Variants in CPSF6 observed in about 807,000 individuals in gnomAD.
CPSF6 encodes cleavage and polyadenylation specificity factor subunit 6.
A neutral mutation model predicts 56.7 loss-of-function variants in CPSF6; 10 were observed. The ratio of observed to expected loss-of-function variants is 0.18; its 90% CI spans 0.11 to 0.30. CPSF6 has a LOEUF of 0.30. CPSF6 is among the 10% of genes least tolerant of loss of function. CPSF6 has a pLI of 1.00. For synonymous variants in CPSF6, 248 were observed against 244.8 expected (o/e 1.01, Z -0.12); for missense variants, 419 against 722.9 (o/e 0.58, Z 4.82).
chr12:69,260,887 A>G (rs577302800), intron 8 of CPSF6, among the ~76,000 whole-genome samples: 1 of 152,202 alleles, frequency 6.6e-6, no homozygotes, highest in African/African-American at 2.4e-5. Flanking sequence ...TGTTGGGATG[A>G]TAGGCATGAG....
At chr12:69,245,288 C>G (rs189103094) in intron 1 of CPSF6, among the ~76,000 whole-genome samples, 163 of 152,170 alleles carry the variant, frequency 1.1e-3, no homozygotes, top group South Asian at 3.5e-3. Context: ...ATGCATTGGG[C>G]TAAGATCGCT....
chr12:69,251,537 T>C (rs1872244487), intron 2 of CPSF6, among the ~76,000 whole-genome samples, 199 bp downstream of exon 2: 1 of 152,166 alleles, frequency 6.6e-6, no homozygotes, highest in Non-Finnish European at 1.5e-5. Flanking sequence ...AGTTTTGTGG[T>C]CATTCAACTT....
intron 1 of CPSF6, among the ~76,000 whole-genome samples, chr12:69,240,921 G>T (rs536453321): frequency 3.3e-5 from 5 of 152,236 alleles, no homozygotes; most frequent in Non-Finnish European, 5.9e-5. Context: ...GTGCTTAACT[G>T]CAATGTTCCT....
rs372434596 is a variant in CPSF6, at chr12:69,257,724, A to G, written c.521-8A>G. ...AAGTGCTATTTATGAGTATTTGGAT[A>G]TTTGCAGCTACACAATCAGGACAAA... On this transcript the variant is annotated splice_polypyrimidine_tract_variant and splice_region_variant and intron_variant, in intron 4 of 9. Transcript: ENST00000435070. 4.8e-5 allele frequency: 77 copies of G among 1,603,100 alleles called. No individual in the cohort carries two copies. In the East Asian group the frequency reaches 5.4e-4, roughly 11 times the overall value.
intron 9 of CPSF6, among the ~76,000 whole-genome samples, chr12:69,268,287 C>T (rs1027516109): frequency 3.3e-5 from 5 of 151,628 alleles, no homozygotes; most frequent in African/African-American, 1.2e-4. Flanking sequence ...CTGAAGTTAT[C>T]TGAAAGATAC....
At chr12:69,260,425 C>A (rs1872696515) in intron 8 of CPSF6, among the ~76,000 whole-genome samples, 1 of 151,104 alleles carries the variant, frequency 6.6e-6, no homozygotes, top group African/African-American at 2.4e-5. Context: ...TGTGATAAAG[C>A]CCCTGCCTAT....
chr12:69,265,207 A>G (rs182681827), intron 9 of CPSF6, among the ~76,000 whole-genome samples: 2 of 152,324 alleles, frequency 1.3e-5, no homozygotes, highest in South Asian at 2.1e-4. Context: ...GAAAATACCA[A>G]TATTGTAAAT....
intron 1 of CPSF6, 80 bp downstream of exon 1, chr12:69,239,786 C>CGCTGCGGCCGG: frequency 7.3e-7 from 1 of 1,368,110 alleles, no homozygotes; most frequent in Non-Finnish European, 9.6e-7. Flanking sequence ...GCTGCGGCCG[C>CGCTGCGGCCGG]GAGCCGAAGC....
Position 69,257,854 on chromosome 12 carries a change from G to C in CPSF6, c.643G>C (p.Asp215His). The change falls in exon 5 of 10, where the codon GAC becomes CAC. Residue 215 changes from aspartate (D) to histidine (H), a missense_variant. Asp to His is a moderately conservative substitution (Grantham distance 81, BLOSUM62 -1). This residue lies in a region of CPSF6 where 211 missense variants were observed against 296.0 expected (regional missense o/e 0.71). Coordinates refer to ENST00000435070, the MANE Select transcript of CPSF6 (RefSeq NM_007007.3). ...TTTTCCAGGGGCTGTTCCTGGTGGG[G>C]ACAGATTTCCTGGGCCAGCAGGACC... is the stretch of plus-strand genomic sequence containing the variant. ...GRFPGAVPGGDRFPGPAGPGG... is the reference protein window; with the variant it reads ...GRFPGAVPGGHRFPGPAGPGG... 6.2e-7 allele frequency: 1 copy of C among 1,608,630 alleles called. No individual in the cohort carries two copies. The highest frequency in any genetic ancestry group is 8.5e-7 in the Non-Finnish European group (1 of 1,178,306).
intron 8 of CPSF6, among the ~76,000 whole-genome samples, chr12:69,261,420 C>T (rs898969804): frequency 2.0e-5 from 3 of 151,088 alleles, no homozygotes; most frequent in Non-Finnish European, 4.4e-5. Flanking sequence ...TTAAAAATAT[C>T]TGGGCCTGGT....
At chr12:69,255,865 G>T (rs1416827652) in intron 3 of CPSF6, among the ~76,000 whole-genome samples, 4 of 152,090 alleles carry the variant, frequency 2.6e-5, no homozygotes, top group Admixed American at 6.6e-5. Context: ...TTGTCTTTTT[G>T]ATTATAGCCA....
intron 2 of CPSF6, 134 bp downstream of exon 2, chr12:69,251,472 G>A (rs752830370): frequency 9.1e-6 from 5 of 551,914 alleles, no homozygotes; most frequent in Non-Finnish European, 1.5e-5. Context: ...TGTCCAATGA[G>A]GAGGGAAATA....
At chr12:69,255,266 T>C (rs935622192) in intron 3 of CPSF6, 3 of 152,236 alleles carry the variant, frequency 2.0e-5, no homozygotes, top group Non-Finnish European at 4.4e-5. Flanking sequence ...ATAGCACTTT[T>C]TTCTTTTAAT....
chr12:69,259,951 T>C, intron 7 of CPSF6, 93 bp from the exon 8 acceptor site: 1 of 1,310,218 alleles, frequency 7.6e-7, no homozygotes, highest in Non-Finnish European at 1.1e-6. Flanking sequence ...ACAGTACTTT[T>C]GTAAAATGCC....
chr12:69,273,245 G>GATTGATTT lies in CPSF6; in HGVS notation c.*3739_*3746dup, dbSNP rs1457853552. The GATTGATTT allele has an allele frequency of 2.2e-6, 1 of 460,632 alleles. No individual in the cohort carries two copies. Among genetic ancestry groups the GATTGATTT allele is most frequent in the Non-Finnish European group, 4.4e-6 (1 of 229,056 alleles). The allele number at this position is 460,632 out of a possible 1,614,324, so 28.5% of individuals were successfully genotyped here. ...CTAAATATTCAGGCAACACTGTTCA[G>GATTGATTT]ATTGATTTAGGTTTGTCTTAACCAA... On this transcript the variant is annotated 3_prime_UTR_variant, in exon 10 of 10. Transcript: ENST00000435070.
At chr12:69,244,230 C>CTT (rs374963527) in intron 1 of CPSF6, among the ~76,000 whole-genome samples, 11 of 151,894 alleles carry the variant, frequency 7.2e-5, no homozygotes, top group Non-Finnish European at 1.5e-4. Flanking sequence ...AAACTTACTT[C>CTT]TTTTTTTTGT....
In CPSF6 at chr12:69,270,641, G is replaced by A. The variant is rs1348220825; in HGVS notation, c.*1133G>A. 2 of 151,668 alleles carry A rather than the reference G, an allele frequency of 1.3e-5. No individual in the cohort carries two copies. The highest frequency in any genetic ancestry group is 6.6e-5 in the Admixed American group (1 of 15,214). 9.4% of individuals were successfully genotyped at this position (151,668 alleles called of 1,614,324 possible). On this transcript the variant is annotated 3_prime_UTR_variant, in exon 10 of 10. Coordinates refer to ENST00000435070, the MANE Select transcript of CPSF6 (RefSeq NM_007007.3). ...TGTAATGGGAAATTACAGATAAACC[G>A]TGTCTGCACAGTTTAAGGAATACTA...
chr12:69,249,380 T>C (rs1258304568), intron 1 of CPSF6, among the ~76,000 whole-genome samples: 1 of 151,668 alleles, frequency 6.6e-6, no homozygotes, highest in Non-Finnish European at 1.5e-5. Flanking sequence ...CATAATATCT[T>C]GTTGCTCTGT....
intron 7 of CPSF6, 67 bp from the exon 8 acceptor site, chr12:69,259,977 C>G (rs1872677096): frequency 6.5e-7 from 1 of 1,548,464 alleles, no homozygotes; most frequent in East Asian, 2.3e-5. Flanking sequence ...ACTCTTATCC[C>G]AAGTGGTTTG....
Sources: gnomAD v4.1 joint callset for allele counts (sites outside exome capture counted in the v4.1 genomes callset) on GRCh38, gnomAD v4.1.1 for gene constraint, gnomAD v4.1.1 regional missense constraint, MANE v1.5 for transcripts, NCBI Gene and HGNC (gene_info 2026-07-23, HGNC 2026-07-21) for gene names.